NFIC: variants seen among roughly 807,000 people sequenced by gnomAD.
The protein encoded by NFIC is nuclear factor 1 C-type.
Under a neutral mutation model 54.4 loss-of-function variants are expected in NFIC, and 12 were observed. The ratio of observed to expected loss-of-function variants is 0.22; its 90% CI spans 0.14 to 0.36. The LOEUF (loss-of-function observed/expected upper bound fraction) is 0.36, where lower values mean the gene tolerates loss of function less well. NFIC is among the 10% of genes least tolerant of loss of function. The pLI, the probability that NFIC is intolerant of heterozygous loss-of-function variation, is 1.00. For missense variants in NFIC, 575 were observed against 718.2 expected, an observed-to-expected ratio of 0.80 and a Z score of 2.28; for synonymous variants, 322 against 319.2, an observed-to-expected ratio of 1.01 and a Z score of -0.09.
intron 1 of NFIC, among the ~76,000 whole-genome samples, chr19:3,377,701 T>C (rs1325993851): frequency 6.6e-6 from 1 of 152,094 alleles, no homozygotes; most frequent in Non-Finnish European, 1.5e-5. Flanking sequence ...AGCCTCGACC[T>C]CTGAGGCTCA....
intron 6 of NFIC, among the ~76,000 whole-genome samples, chr19:3,442,184 G>C (rs965271480): frequency 6.6e-6 from 1 of 152,156 alleles, no homozygotes; most frequent in East Asian, 1.9e-4. Context: ...GCCTCCACCC[G>C]AGGCCTCCCT....
chr19:3,376,939 A>G (rs1341112793), intron 1 of NFIC, among the ~76,000 whole-genome samples: 1 of 151,868 alleles, frequency 6.6e-6, no homozygotes, highest in African/African-American at 2.4e-5. Context: ...CATGTTGGCC[A>G]GGCTGATCTC....
Position 3,465,590 on chromosome 19 carries a change from C to A in NFIC, c.*2821C>A. 6.6e-6 allele frequency: 1 copy of A among 152,348 alleles called. No individual in the cohort carries two copies. 9.4% of individuals were successfully genotyped at this position (152,348 alleles called of 1,614,324 possible). A position where few individuals can be genotyped will look rare whatever the true frequency, so the allele number is the denominator to read the frequency against. On this transcript the variant is annotated 3_prime_UTR_variant, in exon 11 of 11. Coordinates refer to ENST00000443272, the MANE Select transcript of NFIC (RefSeq NM_001245002.2). ...CCCCTGGTGCTCAGCCTCTACCACC[C>A]CCAACCCTGCTCTTGGGTACCCAGA... is the stretch of plus-strand genomic sequence containing the variant.
rs569095181 is a variant in NFIC, at chr19:3,443,059, C to T, written c.959-5955C>T. Reference sequence around the variant, plus strand: ...GGATGCTGCTTAGCACCCTGCAGTGCCCAGGACAGCCCCTCCCCAGGGAAC... The same window carrying T: ...GGATGCTGCTTAGCACCCTGCAGTGTCCAGGACAGCCCCTCCCCAGGGAAC... On this transcript the variant is annotated intron_variant, in intron 6 of 10. Transcript: ENST00000443272. Among the ~76,000 whole-genome samples, 10 of 152,328 alleles carry T rather than the reference C, an allele frequency of 6.6e-5. No homozygotes were observed. In the South Asian group the frequency reaches 1.4e-3, roughly 22 times the overall value.
rs1355888027 is a variant in NFIC at position 3,468,646 on chromosome 19, CTTT to C, written c.*5881_*5883del. On this transcript the variant is annotated 3_prime_UTR_variant, in exon 11 of 11. Coordinates refer to ENST00000443272, the MANE Select transcript of NFIC (RefSeq NM_001245002.2). ...TTTCCTTTGGGTTTTTTTTTTCTTT[CTTT>C]TTTCTCCCCTTTACTCTTTGGGTGG... is the stretch of plus-strand genomic sequence containing the variant. 5 of 151,318 alleles carry C rather than the reference CTTT, an allele frequency of 3.3e-5. No individual in the cohort carries two copies. The highest frequency in any genetic ancestry group is 3.3e-4 in the Admixed American group (5 of 15,246). The allele number at this position is 151,318 out of a possible 1,614,324, so 9.4% of individuals were successfully genotyped here. A position where few individuals can be genotyped will look rare whatever the true frequency, so the allele number is the denominator to read the frequency against.
At chr19:3,393,103 G>A (rs1023655967) in intron 2 of NFIC, among the ~76,000 whole-genome samples, 3 of 152,098 alleles carry the variant, frequency 2.0e-5, no homozygotes, top group Admixed American at 6.5e-5. Context: ...ACCACACCCA[G>A]CTAATTTTTG....
At chr19:3,377,518 G>C (rs1376805252) in intron 1 of NFIC, among the ~76,000 whole-genome samples, 1 of 152,014 alleles carries the variant, frequency 6.6e-6, no homozygotes, top group African/African-American at 2.4e-5. Context: ...GAGATGGAAA[G>C]GCAGTTTTGC....
chr19:3,396,172 TGTAA>T (rs1023204157), intron 2 of NFIC, among the ~76,000 whole-genome samples: 5 of 152,170 alleles, frequency 3.3e-5, no homozygotes, highest in Non-Finnish European at 7.3e-5. Context: ...GAAGCCTGGC[TGTAA>T]GTGTGTGTTT....
Position 3,463,097 on chromosome 19 carries a change from G to A in NFIC, c.*328G>A. 1 of 1,258,912 alleles carries A rather than the reference G, an allele frequency of 7.9e-7. No homozygotes were observed. Among genetic ancestry groups the A allele is most frequent in the Non-Finnish European group, 1.0e-6 (1 of 999,954 alleles). 78.0% of individuals were successfully genotyped at this position (1,258,912 alleles called of 1,614,324 possible). On this transcript the variant is annotated 3_prime_UTR_variant, in exon 11 of 11. Transcript: ENST00000443272. ...CCACCCCCACGGGAGACCCGGGACA[G>A]GGCGTCTTCCTAAGTTATTCATCTC...
chr19:3,447,203 G>A (rs919917578), intron 6 of NFIC, among the ~76,000 whole-genome samples: 6 of 151,606 alleles, frequency 4.0e-5, no homozygotes, highest in Non-Finnish European at 8.8e-5. Context: ...GGAGGCTGAG[G>A]CAGTAGAATC....
chr19:3,437,961 G>A (rs545500599), intron 6 of NFIC, among the ~76,000 whole-genome samples: 1 of 152,164 alleles, frequency 6.6e-6, no homozygotes, highest in South Asian at 2.1e-4. Context: ...CTCCCAAAGT[G>A]CTGGCATTAC....
At position 3,423,732 on chromosome 19, in the gene NFIC, C is replaced by T. The variant is rs538392451; in HGVS notation, c.563-1374C>T. ...TTAGATAAGATGGAGGGGCGGGCGC[C>T]GGGGCAGAGGGAGCACCCAAGCTGG... is the stretch of plus-strand genomic sequence containing the variant. On this transcript the variant is annotated intron_variant, in intron 2 of 10. Transcript: ENST00000443272. Among the ~76,000 whole-genome samples, 364 of 152,182 alleles carry T rather than the reference C, an allele frequency of 2.4e-3. 1 individual carries two copies. Among genetic ancestry groups the T allele is most frequent in the African/African-American group, 8.2e-3 (340 of 41,546 alleles).
At chr19:3,377,535 T>G (rs957706018) in intron 1 of NFIC, among the ~76,000 whole-genome samples, 2 of 152,166 alleles carry the variant, frequency 1.3e-5, no homozygotes, top group East Asian at 1.9e-4. Context: ...TTGCTTCTCT[T>G]TCTCTTCTTG....
intron 6 of NFIC, among the ~76,000 whole-genome samples, chr19:3,438,499 G>A (rs990380202): frequency 1.4e-5 from 2 of 145,818 alleles, no homozygotes; most frequent in African/African-American, 5.1e-5. Flanking sequence ...GTGCAGTGGC[G>A]CCATCTCAGC....
chr19:3,468,805 A>G lies in NFIC; in HGVS notation c.*6036A>G, dbSNP rs902199796. 1 of 152,184 alleles carries G rather than the reference A, an allele frequency of 6.6e-6. No homozygotes were observed. Among genetic ancestry groups the G allele is most frequent in the Non-Finnish European group, 1.5e-5 (1 of 68,056 alleles). 9.4% of individuals were successfully genotyped at this position (152,184 alleles called of 1,614,324 possible). ...TTACCGCACACTGGATAACACACACATACACACCCACAAAAATGCTCATGA... is the reference window on the plus strand; with the variant it reads ...TTACCGCACACTGGATAACACACACGTACACACCCACAAAAATGCTCATGA... On this transcript the variant is annotated 3_prime_UTR_variant, in exon 11 of 11. Transcript: ENST00000443272.
At chr19:3,456,343 T>C (rs546030422) in intron 9 of NFIC, among the ~76,000 whole-genome samples, 38 of 151,794 alleles carry the variant, frequency 2.5e-4, no homozygotes, top group Non-Finnish European at 1.0e-4. Context: ...GCCCCTCGAG[T>C]CAGGATCCCC....
At chr19:3,422,513 C>T (rs982078282) in intron 2 of NFIC, among the ~76,000 whole-genome samples, 18 of 151,184 alleles carry the variant, frequency 1.2e-4, no homozygotes, top group Non-Finnish European at 1.3e-4. Flanking sequence ...GTCAGGAGAT[C>T]GAGACCATCC....
In NFIC at chr19:3,453,263, C is replaced by T. The variant is rs1388965040; in HGVS notation, c.1270-500C>T. 6.6e-6 allele frequency among the ~76,000 whole-genome samples: 1 copy of T among 151,726 alleles called. No homozygotes were observed. The highest frequency in any genetic ancestry group is 1.5e-5 in the Non-Finnish European group (1 of 67,934). ...CAAAAAGAAAAAAAAGGTTGGGGGG[C>T]GGGGGGCAGGAAGACATTGATTACA... On this transcript the variant is annotated intron_variant, in intron 8 of 10. Coordinates refer to ENST00000443272, the MANE Select transcript of NFIC (RefSeq NM_001245002.2). This position sits in a 1 kb window ranked among gnomAD's most constrained non-coding sequence, Gnocchi z 6.7.
Position 3,463,299 on chromosome 19 carries a change from CG to C in NFIC, c.*532del. 1 of 988,528 alleles carries C rather than the reference CG, an allele frequency of 1.0e-6. No individual in the cohort carries two copies. 61.2% of individuals were successfully genotyped at this position (988,528 alleles called of 1,614,324 possible). A position where few individuals can be genotyped will look rare whatever the true frequency, so the allele number is the denominator to read the frequency against. ...CCCCGCGCCTCTGCCGGACACGGAC[CG>C]GCCCCTCAGCCCCCACCGAGGACGC... On this transcript the variant is annotated 3_prime_UTR_variant, in exon 11 of 11. Coordinates refer to ENST00000443272, the MANE Select transcript of NFIC (RefSeq NM_001245002.2).
Sources: allele counts gnomAD v4.1 joint callset (sites outside exome capture counted in the v4.1 genomes callset), GRCh38; gene constraint gnomAD v4.1.1; non-coding constraint Gnocchi (gnomAD v3.1); transcripts MANE v1.5; gene names NCBI Gene and HGNC (gene_info 2026-07-23, HGNC 2026-07-21).